The following TTC7B variants were observed in gnomAD, a reference collection of about 807,000 sequenced individuals.
TTC7B encodes tetratricopeptide repeat domain 7B.
In TTC7B, 28 loss-of-function variants were observed where a neutral mutation model predicts 106.8. The observed-to-expected ratio is 0.26, with a 90% CI of 0.19 to 0.36. TTC7B has a LOEUF of 0.36. Among genes scored for constraint, TTC7B ranks in the 10% least tolerant of loss-of-function variants. The pLI is 1.00. For missense variants in TTC7B, 862 were observed against 1,076.4 expected (o/e 0.80, Z 2.79); for synonymous variants, 405 against 430.6 (o/e 0.94, Z 0.74).
At position 90,612,830 on chromosome 14, in the gene TTC7B, T is replaced by C. The variant is rs1041532441; in HGVS notation, c.1869-1991A>G. 3.3e-5 allele frequency among the ~76,000 whole-genome samples: 5 copies of C among 152,218 alleles called. No individual in the cohort carries two copies. The South Asian group carries it at 6.2e-4, about 19-fold the overall frequency. ...GGTTAATATGGCCAGCCAATTCCTA[T>C]AGCCAACTTATCCCTAGGCTTCTGG... is the stretch of plus-strand genomic sequence containing the variant. On this transcript the variant is annotated intron_variant, in intron 16 of 19. Coordinates refer to ENST00000328459, the MANE Select transcript of TTC7B (RefSeq NM_001010854.2).
chr14:90,741,891 C>T (rs1237312742), intron 4 of TTC7B, among the ~76,000 whole-genome samples: 2 of 152,098 alleles, frequency 1.3e-5, no homozygotes, highest in African/African-American at 4.8e-5. Flanking sequence ...TCTCAGCTTG[C>T]TGAAATCTGG....
chr14:90,778,817 G>C (rs1474141265), intron 3 of TTC7B, among the ~76,000 whole-genome samples: 2 of 152,218 alleles, frequency 1.3e-5, no homozygotes, highest in Non-Finnish European at 2.9e-5. Flanking sequence ...AGCCCATGGG[G>C]ACGTTTAGAA....
intron 15 of TTC7B, among the ~76,000 whole-genome samples, chr14:90,620,563 G>T (rs536447340): frequency 6.6e-6 from 1 of 152,282 alleles, no homozygotes; most frequent in Non-Finnish European, 1.5e-5. Context: ...GCAAGGGGAG[G>T]CCCCATGGAG....
intron 6 of TTC7B, among the ~76,000 whole-genome samples, chr14:90,694,215 G>T (rs1887585204): frequency 6.6e-6 from 1 of 152,138 alleles, no homozygotes; most frequent in African/African-American, 2.4e-5. Flanking sequence ...TCCAACCTGG[G>T]CAACAGAGCG....
chr14:90,801,352 G>A (rs573903205), intron 1 of TTC7B, among the ~76,000 whole-genome samples: 93 of 151,964 alleles, frequency 6.1e-4, no homozygotes, highest in African/African-American at 2.1e-3. Flanking sequence ...CTTGAACTTC[G>A]CCCAGTGAGA....
chr14:90,658,317 A>G lies in TTC7B; in HGVS notation c.1223T>C (p.Met408Thr), dbSNP rs778214516. 1.2e-6 allele frequency: 2 copies of G among 1,614,044 alleles called. No individual in the cohort carries two copies. The highest frequency in any genetic ancestry group is 1.7e-6 in the Non-Finnish European group (2 of 1,179,906). The change falls in exon 10 of 20, where the codon ATG (methionine) becomes ACG (threonine). Residue 408 changes from methionine (M) to threonine (T), a missense_variant. Physicochemically the swap from Met to Thr is moderately conservative, Grantham distance 81. Transcript: ENST00000328459. ...AAAGGGACTCACTTTTCCAGCAGCC[A>G]TCAGGGACAGAGCAAACTGGTACCA... ...HLWYQFALSL[M>T]AAGKSARAVK... is the part of the protein sequence containing the mutation.
chr14:90,652,715 C>G (rs898537473), intron 13 of TTC7B, 126 bp downstream of exon 13: 2 of 1,039,392 alleles, frequency 1.9e-6, no homozygotes, highest in East Asian at 4.8e-5. Flanking sequence ...GTTCGGTGCT[C>G]AGGACGAAAG....
intron 3 of TTC7B, among the ~76,000 whole-genome samples, chr14:90,754,120 C>A (rs904609456): frequency 6.6e-6 from 1 of 152,148 alleles, no homozygotes; most frequent in Admixed American, 6.5e-5. Context: ...GAAAACCCTA[C>A]GAGGGGGGAT....
intron 15 of TTC7B, among the ~76,000 whole-genome samples, chr14:90,619,560 T>C (rs530851225): frequency 6.6e-6 from 1 of 152,244 alleles, no homozygotes; most frequent in Non-Finnish European, 1.5e-5. Context: ...TTGTTGTTAA[T>C]AATAAAAAGA....
Position 90,759,592 on chromosome 14 carries a change from G to T in TTC7B, c.446-14670C>A, listed in dbSNP as rs1890431454. Among the ~76,000 whole-genome samples the T allele has an allele frequency of 6.6e-6, 1 of 152,218 alleles. No individual in the cohort carries two copies. Among genetic ancestry groups the T allele is most frequent in the Non-Finnish European group, 1.5e-5 (1 of 68,040 alleles). ...CAGAGGAAATGAGCAGTGGGAGGCA[G>T]TCCCTTGAGAGCCAAACAGCTTGAA... is the stretch of plus-strand genomic sequence containing the variant. On this transcript the variant is annotated intron_variant, in intron 3 of 19. Coordinates refer to ENST00000328459, the MANE Select transcript of TTC7B (RefSeq NM_001010854.2). This position sits in a 1 kb window ranked among gnomAD's most constrained non-coding sequence, Gnocchi z 4.1.
intron 15 of TTC7B, among the ~76,000 whole-genome samples, chr14:90,619,392 C>G (rs1025360342): frequency 6.6e-6 from 1 of 152,212 alleles, no homozygotes; most frequent in Admixed American, 6.5e-5. Context: ...TGGCACAACT[C>G]TATGGCTACA....
chr14:90,682,684 G>T (rs1887101226), intron 7 of TTC7B, among the ~76,000 whole-genome samples: 1 of 152,178 alleles, frequency 6.6e-6, no homozygotes, highest in Non-Finnish European at 1.5e-5. Flanking sequence ...TGGGGCCCTA[G>T]ATCCAGAGGA....
At chr14:90,771,615 T>C (rs988410803) in intron 3 of TTC7B, among the ~76,000 whole-genome samples, 1 of 151,636 alleles carries the variant, frequency 6.6e-6, no homozygotes. Flanking sequence ...AAGAAAAAAA[T>C]CCATAAGGCA....
intron 4 of TTC7B, among the ~76,000 whole-genome samples, chr14:90,744,048 G>A (rs1485767539): frequency 1.3e-5 from 2 of 152,224 alleles, no homozygotes; most frequent in Non-Finnish European, 2.9e-5. Context: ...GGGGATACCC[G>A]ATGTACTCAG....
At chr14:90,579,114 G>A (rs932543256) in intron 18 of TTC7B, among the ~76,000 whole-genome samples, 2 of 152,198 alleles carry the variant, frequency 1.3e-5, no homozygotes, top group Non-Finnish European at 2.9e-5. Context: ...TATCCAGGGG[G>A]AACGTGTCAA....
At chr14:90,545,281 CA>C (rs1281251304) in intron 19 of TTC7B, among the ~76,000 whole-genome samples, 1 of 152,230 alleles carries the variant, frequency 6.6e-6, no homozygotes, top group East Asian at 1.9e-4. Flanking sequence ...GGCACTCAGG[CA>C]ATAACCCAGT....
At chr14:90,611,168 G>C (rs1892856440) in intron 16 of TTC7B, among the ~76,000 whole-genome samples, 1 of 152,130 alleles carries the variant, frequency 6.6e-6, no homozygotes, top group East Asian at 1.9e-4. Context: ...ACTGGCATTA[G>C]CAACCTTAGA....
chr14:90,581,543 G>T (rs561404281), intron 18 of TTC7B, among the ~76,000 whole-genome samples: 1 of 152,166 alleles, frequency 6.6e-6, no homozygotes, highest in Admixed American at 6.5e-5. Flanking sequence ...AGGACAGAGC[G>T]TCCCTCTCAT....
chr14:90,644,050 G>T lies in TTC7B; in HGVS notation c.1749C>A (p.Phe583Leu), dbSNP rs369871853. ...AACCAAAGCCCAGGATCACTTACAT[G>T]AAATTTTCTGGGTATTCACTCAGGG... ...DMALSEYPENFILLFSKVKLQ... is the reference protein window; with the variant it reads ...DMALSEYPENLILLFSKVKLQ... Residue 583 changes from phenylalanine (F) to leucine (L), a missense_variant and splice_region_variant, in exon 15 of 20, where the codon TTC (phenylalanine) becomes TTA (leucine). Physicochemically the swap from Phe to Leu is conservative, Grantham distance 22 (BLOSUM62 0). Coordinates refer to ENST00000328459, the MANE Select transcript of TTC7B (RefSeq NM_001010854.2). The T allele has an allele frequency of 6.2e-7, 1 of 1,614,100 alleles. No homozygotes were observed.
Sources: allele counts gnomAD v4.1 joint callset (sites outside exome capture counted in the v4.1 genomes callset), GRCh38; gene constraint gnomAD v4.1.1; non-coding constraint Gnocchi (gnomAD v3.1); transcripts MANE v1.5; gene names NCBI Gene and HGNC (gene_info 2026-07-23, HGNC 2026-07-21).